The following OPCML variants were observed in gnomAD, a reference collection of about 807,000 sequenced individuals.
The protein encoded by OPCML is opioid binding protein/cell adhesion molecule like, also known as opioid-binding protein/cell adhesion molecule.
In OPCML, 13 loss-of-function variants were observed where a neutral mutation model predicts 37.8. The observed-to-expected ratio is 0.34, with a 90% CI of 0.22 to 0.55. The LOEUF is 0.55. Among genes scored for constraint, OPCML ranks in the 20% least tolerant of loss-of-function variants. OPCML has a pLI of 0.91. For missense variants in OPCML, 341 were observed against 435.6 expected, an observed-to-expected ratio of 0.78 and a Z score of 1.93; for synonymous variants, 176 against 168.8, an observed-to-expected ratio of 1.04 and a Z score of -0.33.
chr11:132,594,254 T>C (rs1366075380), intron 3 of OPCML, among the ~76,000 whole-genome samples: 1 of 152,176 alleles, frequency 6.6e-6, no homozygotes, highest in Non-Finnish European at 1.5e-5. Context: ...AGAGGAAGGT[T>C]AAATAATTAT....
At chr11:133,025,352 T>G (rs1947531626) in intron 1 of OPCML, 2 of 985,418 alleles carry the variant, frequency 2.0e-6, no homozygotes, top group Non-Finnish European at 1.2e-6. Flanking sequence ...AAGTTTTCGA[T>G]TATATAACTT....
At chr11:132,784,059 A>G (rs1947121257) in intron 2 of OPCML, among the ~76,000 whole-genome samples, 1 of 152,218 alleles carries the variant, frequency 6.6e-6, no homozygotes, top group African/African-American at 2.4e-5. Flanking sequence ...TACTAAATGA[A>G]TAATGAATAG....
chr11:133,183,288 C>T (rs891875161), intron 1 of OPCML, among the ~76,000 whole-genome samples: 5 of 152,154 alleles, frequency 3.3e-5, no homozygotes, highest in Non-Finnish European at 7.4e-5. Context: ...AAAGCAGAGA[C>T]AGAGAAAAAC....
intron 1 of OPCML, among the ~76,000 whole-genome samples, chr11:133,172,871 T>G (rs1391518438): frequency 6.6e-6 from 1 of 152,212 alleles, no homozygotes; most frequent in Non-Finnish European, 1.5e-5. Flanking sequence ...ATATATTAAA[T>G]ACGTTATCTC....
chr11:132,746,263 T>C (rs1430355587), intron 2 of OPCML, among the ~76,000 whole-genome samples: 1 of 152,200 alleles, frequency 6.6e-6, no homozygotes, highest in Non-Finnish European at 1.5e-5. Context: ...GAACTGTTTG[T>C]AAAAGACCTC....
At chr11:133,167,842 A>T (rs1950233078) in intron 1 of OPCML, among the ~76,000 whole-genome samples, 1 of 151,982 alleles carries the variant, frequency 6.6e-6, no homozygotes, top group Admixed American at 6.6e-5. Context: ...CCACCCAGTC[A>T]CCCAACCAGA....
intron 1 of OPCML, among the ~76,000 whole-genome samples, chr11:133,042,859 C>T (rs754564546): frequency 6.6e-6 from 1 of 152,080 alleles, no homozygotes; most frequent in African/African-American, 2.4e-5. Context: ...TGAAGACACC[C>T]GAGACGCCTC....
intron 1 of OPCML, among the ~76,000 whole-genome samples, chr11:133,046,478 C>G (rs1177667489): frequency 6.6e-6 from 1 of 152,178 alleles, no homozygotes; most frequent in South Asian, 2.1e-4. Context: ...CACGGCCTCC[C>G]TCCCCTTGTC....
intron 2 of OPCML, among the ~76,000 whole-genome samples, chr11:132,757,640 ATGT>A (rs545888613): frequency 4.5e-4 from 68 of 151,630 alleles, no homozygotes; most frequent in African/African-American, 1.5e-3. Flanking sequence ...CCACTTTTTG[ATGT>A]TGTTGTTTTT....
chr11:132,670,508 C>CA (rs953738730), intron 2 of OPCML, among the ~76,000 whole-genome samples: 5 of 151,904 alleles, frequency 3.3e-5, no homozygotes, highest in South Asian at 2.1e-4. Context: ...TTTATGGAAC[C>CA]AAAAAATATA....
chr11:133,193,197 G>A (rs1299927824), intron 1 of OPCML, among the ~76,000 whole-genome samples: 1 of 152,054 alleles, frequency 6.6e-6, no homozygotes, highest in African/African-American at 2.4e-5. Context: ...GAAGAATCCT[G>A]GATCTGTACA....
At chr11:132,449,484 C>A (rs555936483) in intron 4 of OPCML, among the ~76,000 whole-genome samples, 26 of 152,272 alleles carry the variant, frequency 1.7e-4, no homozygotes, top group African/African-American at 6.3e-4. Context: ...TACCTACTTT[C>A]TGTCCTCCTC....
chr11:132,536,073 C>T (rs1192607532), intron 3 of OPCML, among the ~76,000 whole-genome samples: 11 of 152,124 alleles, frequency 7.2e-5, no homozygotes, highest in Non-Finnish European at 1.0e-4. Flanking sequence ...GCTACACCCC[C>T]GCAAGGGGCA....
At chr11:133,229,602 A>G (rs888723705) in intron 1 of OPCML, among the ~76,000 whole-genome samples, 3 of 152,000 alleles carry the variant, frequency 2.0e-5, no homozygotes, top group Admixed American at 2.0e-4. Context: ...GAAGACAAAA[A>G]AAATTGTATG....
chr11:132,645,207 T>G (rs1431147676), intron 3 of OPCML, among the ~76,000 whole-genome samples: 1 of 152,216 alleles, frequency 6.6e-6, no homozygotes, highest in Non-Finnish European at 1.5e-5. Context: ...CACTAAGAAC[T>G]TCTTTATTCA....
At chr11:133,515,630 A>G (rs767673469) in intron 1 of OPCML, among the ~76,000 whole-genome samples, 7 of 152,266 alleles carry the variant, frequency 4.6e-5, no homozygotes, top group Non-Finnish European at 8.8e-5. Context: ...TACGCCCCAG[A>G]TAACCAACCA....
At chr11:132,456,342 AT>A (rs1226832330) in intron 4 of OPCML, among the ~76,000 whole-genome samples, 1 of 152,246 alleles carries the variant, frequency 6.6e-6, no homozygotes, top group East Asian at 1.9e-4. Context: ...ATAGCTCATA[AT>A]TCTAATAAAT....
At chr11:132,730,167 C>G (rs898735774) in intron 2 of OPCML, among the ~76,000 whole-genome samples, 6 of 151,968 alleles carry the variant, frequency 3.9e-5, no homozygotes, top group Non-Finnish European at 7.4e-5. Flanking sequence ...CACCCGCCAC[C>G]ACACCTAGCT....
chr11:133,123,758 T>G (rs986144706), intron 1 of OPCML, among the ~76,000 whole-genome samples: 1 of 152,204 alleles, frequency 6.6e-6, no homozygotes, highest in East Asian at 1.9e-4. Flanking sequence ...TGGTTGTTCA[T>G]TCGGATTCAG....
Sources: gnomAD v4.1 joint callset for allele counts (sites outside exome capture counted in the v4.1 genomes callset) on GRCh38, gnomAD v4.1.1 for gene constraint, MANE v1.5 for transcripts, NCBI Gene and HGNC (gene_info 2026-07-23, HGNC 2026-07-21) for gene names.